The following TNPO1 variants were observed in gnomAD, a reference collection of about 807,000 sequenced individuals.
TNPO1 encodes transportin-1.
A neutral mutation model predicts 119.5 loss-of-function variants in TNPO1; 8 were observed. That is an observed-to-expected ratio of 0.07 (90% CI 0.04 to 0.12). The LOEUF is 0.12. Among genes scored for constraint, TNPO1 ranks in the 10% least tolerant of loss-of-function variants. The pLI is 1.00. For synonymous variants in TNPO1, 362 were observed against 363.0 expected (o/e 1.00, Z 0.03); for missense variants, 576 against 1,089.8 (o/e 0.53, Z 6.64).
intron 1 of TNPO1, among the ~76,000 whole-genome samples, chr5:72,818,813 C>A (rs1455856195): frequency 2.0e-5 from 3 of 152,132 alleles, no homozygotes; most frequent in African/African-American, 7.2e-5. Context: ...ATGAGGTTTT[C>A]AAAAACAATG....
At chr5:72,869,740 T>C (rs959093948) in intron 6 of TNPO1, among the ~76,000 whole-genome samples, 3 of 152,180 alleles carry the variant, frequency 2.0e-5, no homozygotes, top group African/African-American at 7.2e-5. Flanking sequence ...TTATAATCTA[T>C]AAGGAAGAGA....
intron 1 of TNPO1, among the ~76,000 whole-genome samples, chr5:72,819,426 G>C (rs1346441113): frequency 2.0e-5 from 3 of 152,212 alleles, no homozygotes; most frequent in South Asian, 2.1e-4. Flanking sequence ...TGCTTTGAAG[G>C]GTCCTTTGAA....
intron 23 of TNPO1, among the ~76,000 whole-genome samples, chr5:72,904,043 T>A (rs1047636014): frequency 5.3e-5 from 8 of 152,222 alleles, no homozygotes; most frequent in African/African-American, 1.7e-4. Flanking sequence ...ATTATTCCAT[T>A]TAAGGAAAAT....
At chr5:72,894,427 T>TTTGG (rs1418283017) in intron 18 of TNPO1, among the ~76,000 whole-genome samples, 1 of 152,230 alleles carries the variant, frequency 6.6e-6, no homozygotes, top group African/African-American at 2.4e-5. Context: ...ATGCCAGCAC[T>TTTGG]TTGGAAGGCC....
At position 72,911,699 on chromosome 5, in the gene TNPO1, A is replaced by G. The variant is rs994567414; in HGVS notation, c.*3026A>G. 6.6e-6 allele frequency: 1 copy of G among 152,560 alleles called. No homozygotes were observed. The highest frequency in any genetic ancestry group is 2.4e-5 in the African/African-American group (1 of 41,460). The allele number at this position is 152,560 out of a possible 1,614,324, so 9.5% of individuals were successfully genotyped here. ...TCTTGGCATGCTTAAAGCACGGCTT[A>G]CTTCATCTGCTCCTTACACACTAAA... On this transcript the variant is annotated 3_prime_UTR_variant, in exon 25 of 25. Coordinates refer to ENST00000337273, the MANE Select transcript of TNPO1 (RefSeq NM_002270.4).
rs893212406 is a variant in TNPO1, at chr5:72,836,894, C to G, written c.16-11491C>G. On this transcript the variant is annotated intron_variant, in intron 1 of 24. Transcript: ENST00000337273. ...CTTTGCAACAAGAATGGCCTTTCCT[C>G]TAGTTTCCAATAACATATTCCTCGT... Among the ~76,000 whole-genome samples, 3 of 152,300 alleles carry G rather than the reference C, an allele frequency of 2.0e-5. No homozygotes were observed. In the East Asian group the frequency reaches 5.8e-4, roughly 29 times the overall value.
chr5:72,900,479 T>C (rs1300997701), intron 21 of TNPO1, among the ~76,000 whole-genome samples: 1 of 152,192 alleles, frequency 6.6e-6, no homozygotes, highest in African/African-American at 2.4e-5. Flanking sequence ...TGTTTAAATT[T>C]GTTATGTATA....
rs1750057003 is a variant in TNPO1, at chr5:72,905,165, A to C, written c.2590-138A>C. ...ACCATATTAGCAGGGAATGGTGTAG[A>C]ATCCTACGAAGTTTGAGAATTGCTA... On this transcript the variant is annotated intron_variant, in intron 23 of 24. Coordinates refer to ENST00000337273, the MANE Select transcript of TNPO1 (RefSeq NM_002270.4). 44 of 638,302 alleles carry C rather than the reference A, an allele frequency of 6.9e-5. No individual in the cohort carries two copies. In the South Asian group the frequency reaches 7.1e-4, roughly 10 times the overall value. 39.5% of individuals were successfully genotyped at this position (638,302 alleles called of 1,614,324 possible).
intron 3 of TNPO1, among the ~76,000 whole-genome samples, chr5:72,853,586 A>T (rs1023479949): frequency 6.6e-6 from 1 of 152,042 alleles, no homozygotes; most frequent in Non-Finnish European, 1.5e-5. Flanking sequence ...TCTTATGTTC[A>T]TTATGCAGTT....
chr5:72,896,081 T>C (rs1043305464), intron 18 of TNPO1, among the ~76,000 whole-genome samples: 2 of 152,128 alleles, frequency 1.3e-5, no homozygotes, highest in African/African-American at 4.8e-5. Context: ...AGAGTGAAAA[T>C]TGCTTTAAAA....
rs1023415301 is a variant in TNPO1 at position 72,912,430 on chromosome 5, A to G, written c.*3757A>G. 6.6e-6 allele frequency: 1 copy of G among 152,516 alleles called. No individual in the cohort carries two copies. The highest frequency in any genetic ancestry group is 2.4e-5 in the African/African-American group (1 of 41,448). The allele number at this position is 152,516 out of a possible 1,614,324, so 9.4% of individuals were successfully genotyped here. A position where few individuals can be genotyped will look rare whatever the true frequency, so the allele number is the denominator to read the frequency against. On this transcript the variant is annotated 3_prime_UTR_variant, in exon 25 of 25. Transcript: ENST00000337273. ...GAAATGCTTTGTCTACTCAGTTATA[A>G]AATATTCAGATACAAGTTTTATCTC... is the stretch of plus-strand genomic sequence containing the variant.
At chr5:72,847,532 TG>T (rs1385792067) in intron 1 of TNPO1, among the ~76,000 whole-genome samples, 3 of 152,302 alleles carry the variant, frequency 2.0e-5, no homozygotes, top group African/African-American at 7.2e-5. Flanking sequence ...GAAAATCAAA[TG>T]AGAAAATGTA....
chr5:72,905,577 TC>T (rs2112506389), intron 24 of TNPO1, 132 bp downstream of exon 24: 1 of 491,554 alleles, frequency 2.0e-6, no homozygotes, highest in South Asian at 3.2e-5. Context: ...CTCATATCAT[TC>T]TATCTTGGGC....
At chr5:72,889,727 A>AT (rs1401932985) in intron 13 of TNPO1, 59 bp from the exon 14 acceptor site, 48 of 1,503,548 alleles carry the variant, frequency 3.2e-5, no homozygotes, top group South Asian at 2.7e-4. Context: ...CATTTTAGCA[A>AT]TTAAGAGTTA....
intron 9 of TNPO1, among the ~76,000 whole-genome samples, chr5:72,881,905 GTTTT>G (rs1165765379): frequency 6.6e-6 from 1 of 152,112 alleles, no homozygotes; most frequent in African/African-American, 2.4e-5. Context: ...ACTTGCTGCA[GTTTT>G]TTGTCTTCAA....
chr5:72,839,244 G>T (rs1187711155), intron 1 of TNPO1, among the ~76,000 whole-genome samples: 1 of 152,100 alleles, frequency 6.6e-6, no homozygotes, highest in Non-Finnish European at 1.5e-5. Context: ...TGATTAATTG[G>T]TTTTTAATGT....
rs1182653610 is a variant in TNPO1 at position 72,911,790 on chromosome 5, A to G, written c.*3117A>G. 6.6e-6 allele frequency: 1 copy of G among 152,498 alleles called. No homozygotes were observed. The allele number at this position is 152,498 out of a possible 1,614,324, so 9.4% of individuals were successfully genotyped here. The stretch of plus-strand genomic sequence containing the variant: ...AGTGATGTAGATTTTCTACTTGAAT[A>G]TTTTTATGTTGTAGGAACCTCAGGA... On this transcript the variant is annotated 3_prime_UTR_variant, in exon 25 of 25. Coordinates refer to ENST00000337273, the MANE Select transcript of TNPO1 (RefSeq NM_002270.4).
chr5:72,886,977 A>T, intron 11 of TNPO1, 93 bp from the exon 12 acceptor site: 3 of 1,160,618 alleles, frequency 2.6e-6, no homozygotes, highest in Non-Finnish European at 3.5e-6. Flanking sequence ...AAAACTCCGT[A>T]TTAGAGATAC....
At chr5:72,855,749 C>T (rs1388552101) in intron 3 of TNPO1, 25 bp from the exon 4 acceptor site, 3 of 1,564,288 alleles carry the variant, frequency 1.9e-6, no homozygotes, top group Non-Finnish European at 1.7e-6. Context: ...CTTCAAAACT[C>T]ATTACTATTA....
Sources: gnomAD v4.1 joint callset for allele counts (sites outside exome capture counted in the v4.1 genomes callset) on GRCh38, gnomAD v4.1.1 for gene constraint, MANE v1.5 for transcripts, NCBI Gene and HGNC (gene_info 2026-07-23, HGNC 2026-07-21) for gene names.